The following FBXL17 variants were observed in gnomAD, a reference collection of about 807,000 sequenced individuals.
The protein encoded by FBXL17 is F-box and leucine rich repeat protein 17.
FBXL17 carries 22 observed loss-of-function variants against 66.2 expected under a neutral mutation model. That is an observed-to-expected ratio of 0.33 (90% CI 0.24 to 0.47). The LOEUF (loss-of-function observed/expected upper bound fraction) is 0.47. Among genes scored for constraint, FBXL17 ranks in the 20% least tolerant of loss-of-function variants. FBXL17 has a pLI of 1.00. For synonymous variants in FBXL17, 474 were observed against 400.5 expected, an observed-to-expected ratio of 1.18 and a Z score of -2.19; for missense variants, 878 against 948.2, an observed-to-expected ratio of 0.93 and a Z score of 0.97.
chr5:108,264,332 ATAAG>A (rs1372691021), intron 4 of FBXL17, among the ~76,000 whole-genome samples: 1 of 151,820 alleles, frequency 6.6e-6, no homozygotes, highest in Admixed American at 6.6e-5. Context: ...TGTAGCATCT[ATAAG>A]TTAAGAGCAC....
intron 6 of FBXL17, among the ~76,000 whole-genome samples, chr5:108,176,165 G>C (rs565918707): frequency 4.3e-4 from 65 of 152,234 alleles, no homozygotes; most frequent in South Asian, 1.5e-3. Flanking sequence ...ACAGATCTGA[G>C]ACTAGGATGT....
intron 7 of FBXL17, among the ~76,000 whole-genome samples, chr5:107,888,824 TG>T (rs1244292135): frequency 2.6e-5 from 4 of 152,336 alleles, no homozygotes; most frequent in African/African-American, 9.6e-5. Context: ...TGTGGACATA[TG>T]TTTTCATTTC....
At chr5:108,309,092 A>T (rs920839887) in intron 4 of FBXL17, among the ~76,000 whole-genome samples, 12 of 152,082 alleles carry the variant, frequency 7.9e-5, no homozygotes, top group African/African-American at 2.9e-4. Context: ...AAACAACCTA[A>T]ATATGAAACA....
chr5:108,305,509 T>A (rs1383822958), intron 4 of FBXL17, among the ~76,000 whole-genome samples: 5 of 151,854 alleles, frequency 3.3e-5, no homozygotes, highest in African/African-American at 4.8e-5. Context: ...AAGTGAGGAT[T>A]GCTAAGCAGA....
At chr5:108,247,005 T>C (rs1756130090) in intron 4 of FBXL17, among the ~76,000 whole-genome samples, 1 of 152,078 alleles carries the variant, frequency 6.6e-6, no homozygotes, top group South Asian at 2.1e-4. Context: ...TGGGAGTAAA[T>C]ATTAAATGTA....
intron 7 of FBXL17, among the ~76,000 whole-genome samples, chr5:107,888,022 C>G (rs1039255204): frequency 6.6e-6 from 1 of 152,306 alleles, no homozygotes; most frequent in Admixed American, 6.5e-5. Flanking sequence ...ACTTTTAAAT[C>G]TCTTTACTTC....
intron 6 of FBXL17, among the ~76,000 whole-genome samples, chr5:108,076,430 A>T: frequency 6.6e-6 from 1 of 152,348 alleles, no homozygotes; most frequent in Middle Eastern, 3.4e-3. Context: ...TGTTATTAAG[A>T]GTTAACATTA....
At chr5:108,345,063 G>A (rs1394433787) in intron 4 of FBXL17, among the ~76,000 whole-genome samples, 3 of 152,078 alleles carry the variant, frequency 2.0e-5, no homozygotes, top group Non-Finnish European at 4.4e-5. Flanking sequence ...GGCCGGGCAC[G>A]GTGGCTCACA....
chr5:107,917,840 G>A (rs190629579), intron 7 of FBXL17, among the ~76,000 whole-genome samples: 1,895 of 152,214 alleles, frequency 0.012, 28 homozygotes, highest in Middle Eastern at 0.017. Flanking sequence ...TTAAAACTAG[G>A]AGAAGAAAAA....
chr5:108,334,561 A>AG (rs1485320453), intron 4 of FBXL17, among the ~76,000 whole-genome samples: 1 of 152,182 alleles, frequency 6.6e-6, no homozygotes, highest in Non-Finnish European at 1.5e-5. Flanking sequence ...TGGTAGGTAG[A>AG]GGGTTAGGGT....
At chr5:108,353,130 T>C (rs1199516946) in intron 3 of FBXL17, among the ~76,000 whole-genome samples, 2 of 152,204 alleles carry the variant, frequency 1.3e-5, no homozygotes, top group Non-Finnish European at 2.9e-5. Context: ...CAGTCTGGCA[T>C]GTAAGGAGTT....
At chr5:108,290,086 GAC>G (rs1758051035) in intron 4 of FBXL17, among the ~76,000 whole-genome samples, 1 of 152,156 alleles carries the variant, frequency 6.6e-6, no homozygotes, top group Admixed American at 6.6e-5. Flanking sequence ...CAAATCTTAA[GAC>G]ACATTTTCAT....
At chr5:108,255,141 C>T (rs1055439376) in intron 4 of FBXL17, among the ~76,000 whole-genome samples, 4 of 152,020 alleles carry the variant, frequency 2.6e-5, no homozygotes, top group Admixed American at 6.6e-5. Flanking sequence ...CATAATTTGT[C>T]GTTTATTTTT....
intron 7 of FBXL17, among the ~76,000 whole-genome samples, chr5:108,008,823 C>G (rs1318711403): frequency 6.6e-6 from 1 of 151,900 alleles, no homozygotes; most frequent in African/African-American, 2.4e-5. Context: ...GGAGAGATTT[C>G]CAAACATACA....
intron 6 of FBXL17, among the ~76,000 whole-genome samples, chr5:108,081,445 G>A (rs1748758295): frequency 6.6e-6 from 1 of 152,110 alleles, no homozygotes; most frequent in Non-Finnish European, 1.5e-5. Flanking sequence ...CAGTAGGCCG[G>A]GCACGGTGGC....
intron 6 of FBXL17, among the ~76,000 whole-genome samples, chr5:108,166,966 T>A (rs1385093090): frequency 6.6e-6 from 1 of 152,180 alleles, no homozygotes; most frequent in African/African-American, 2.4e-5. Flanking sequence ...TATGTTTGGA[T>A]GAAAAATCCA....
At chr5:108,233,766 T>C (rs1755474290) in intron 4 of FBXL17, among the ~76,000 whole-genome samples, 1 of 152,162 alleles carries the variant, frequency 6.6e-6, no homozygotes, top group East Asian at 1.9e-4. Context: ...AAAAGGACCA[T>C]TAAAAGCCTG....
In FBXL17 at chr5:107,909,353, A is replaced by G. The variant is rs549873120; in HGVS notation, c.1823-28174T>C. ...TACCTACTGTATGTGAACAGTGTTT[A>G]TTGCTCAGTGGCTACACATAACTTG... On this transcript the variant is annotated intron_variant, in intron 7 of 8. Coordinates refer to ENST00000542267, the MANE Select transcript of FBXL17 (RefSeq NM_001163315.3). Among the ~76,000 whole-genome samples the G allele has an allele frequency of 2.6e-5, 4 of 152,296 alleles. No homozygotes were observed. In the East Asian group the frequency reaches 7.7e-4, roughly 29 times the overall value.
intron 4 of FBXL17, among the ~76,000 whole-genome samples, chr5:108,313,454 G>A (rs896758230): frequency 6.6e-6 from 1 of 152,070 alleles, no homozygotes; most frequent in Non-Finnish European, 1.5e-5. Context: ...GTGTTGGTGA[G>A]GGAAGAATTA....
Sources: gnomAD v4.1 joint callset for allele counts (sites outside exome capture counted in the v4.1 genomes callset) on GRCh38, gnomAD v4.1.1 for gene constraint, MANE v1.5 for transcripts, NCBI Gene and HGNC (gene_info 2026-07-23, HGNC 2026-07-21) for gene names.